Variants in NINL observed in about 807,000 individuals in gnomAD.
NINL encodes ninein-like protein.
NINL carries 153 observed loss-of-function variants against 160.3 expected under a neutral mutation model. The observed-to-expected ratio is 0.95, with a 90% CI of 0.84 to 1.09. The LOEUF is 1.09. Among genes scored for constraint, NINL ranks in the 50% least tolerant of loss-of-function variants. The pLI is 0.00. For synonymous variants in NINL, 800 were observed against 734.8 expected (o/e 1.09, Z -1.43); for missense variants, 1,829 against 1,764.0 (o/e 1.04, Z -0.66).
chr20:25,575,762 A>C lies in NINL; in HGVS notation c.-12+9693T>G, dbSNP rs892857981. ...CTCAGTCTCAAAAAAAACACAAAAC[A>C]ACAAAAAAAAAAACTTGTAAGAATA... On this transcript the variant is annotated intron_variant, in intron 1 of 23. Coordinates refer to ENST00000278886, the MANE Select transcript of NINL (RefSeq NM_025176.6). 3.8e-5 allele frequency among the ~76,000 whole-genome samples: 4 copies of C among 104,998 alleles called. No homozygotes were observed. The East Asian group carries it at 0.014, about 362-fold the overall frequency. The allele number at this position is 104,998 out of a possible 152,430, so 68.9% of individuals were successfully genotyped here.
chr20:25,511,613 C>A (rs939252249), intron 4 of NINL, among the ~76,000 whole-genome samples: 34 of 152,160 alleles, frequency 2.2e-4, no homozygotes, highest in Admixed American at 6.5e-4. Flanking sequence ...CGGCTTTCCC[C>A]GTGTTCAGGT....
intron 21 of NINL, among the ~76,000 whole-genome samples, chr20:25,461,285 C>T (rs952127183): frequency 4.6e-5 from 7 of 152,186 alleles, no homozygotes; most frequent in Non-Finnish European, 7.3e-5. Context: ...GCATGGTGCC[C>T]GCACTCCTTC....
rs752565890 is a variant in NINL, at chr20:25,453,546, G to A, written c.4054C>T (p.Arg1352Ter). Residue 1352 changes from arginine to a stop codon, truncating the protein, a stop_gained, in exon 24 of 24, where the codon CGA becomes TGA. Coordinates refer to ENST00000278886, the MANE Select transcript of NINL (RefSeq NM_025176.6). LOFTEE classifies it low-confidence loss of function (END_TRUNC). ...AGGCGGCTTTGTTTCTCGGCGCCTC[G>A]CTGCTTCTCCTCGGTGGCCTGAAGT... ...RALQATEEKQ[R>*]GAEKQSRLLE... 7 of 1,613,890 alleles carry A rather than the reference G, an allele frequency of 4.3e-6. No individual in the cohort carries two copies. The highest frequency in any genetic ancestry group is 4.0e-5 in the African/African-American group (3 of 74,908).
At chr20:25,490,420 C>T (rs1469354147) in intron 11 of NINL, among the ~76,000 whole-genome samples, 1 of 151,678 alleles carries the variant, frequency 6.6e-6, no homozygotes, top group Non-Finnish European at 1.5e-5. Flanking sequence ...ATTAGCCAGG[C>T]GTGGTGGCGG....
In NINL at chr20:25,502,026, C is replaced by T. The variant is rs748934444; in HGVS notation, c.862-1016G>A. 7.2e-5 allele frequency among the ~76,000 whole-genome samples: 11 copies of T among 152,224 alleles called. No individual in the cohort carries two copies. In the South Asian group the frequency reaches 1.0e-3, roughly 14 times the overall value. ...AGCCAGAGTCTCACTCTGTCACCCA[C>T]GCTGGAGTGCAGTGATGCGATCTCA... is the stretch of plus-strand genomic sequence containing the variant. On this transcript the variant is annotated intron_variant, in intron 7 of 23. Transcript: ENST00000278886.
intron 1 of NINL, among the ~76,000 whole-genome samples, chr20:25,552,359 C>A (rs1038682741): frequency 1.3e-5 from 2 of 152,030 alleles, no homozygotes; most frequent in East Asian, 1.9e-4. Context: ...CATAGCCAGA[C>A]CCTCCCCACC....
At chr20:25,499,300 G>T in intron 8 of NINL, 1 of 910,302 alleles carries the variant, frequency 1.1e-6, no homozygotes, top group Non-Finnish European at 1.3e-6. Flanking sequence ...GCAGCCTGAG[G>T]TCAGAAATGC....
intron 2 of NINL, among the ~76,000 whole-genome samples, chr20:25,522,810 G>A (rs978683240): frequency 9.2e-5 from 14 of 152,096 alleles, no homozygotes; most frequent in Admixed American, 6.6e-4. Flanking sequence ...CACAAAAGGC[G>A]AGCGGCAACC....
chr20:25,456,209 T>C (rs1221563026), intron 22 of NINL, among the ~76,000 whole-genome samples: 21 of 115,554 alleles, frequency 1.8e-4, no homozygotes, highest in African/African-American at 2.5e-4. Context: ...CACCACTGCA[T>C]TCCAGCCTGG....
chr20:25,576,713 C>A (rs1296273013), intron 1 of NINL, among the ~76,000 whole-genome samples: 1 of 152,168 alleles, frequency 6.6e-6, no homozygotes, highest in East Asian at 1.9e-4. Context: ...CCTCTCACCT[C>A]AGCCTCCCAA....
At chr20:25,491,669 A>C in intron 10 of NINL, 144 bp from the exon 11 acceptor site, 1 of 950,372 alleles carries the variant, frequency 1.1e-6, no homozygotes, top group Admixed American at 2.9e-5. Context: ...TGAGCTGCCC[A>C]TGCTGGGAGG....
At chr20:25,466,648 A>G (rs2062920918) in intron 19 of NINL, among the ~76,000 whole-genome samples, 1 of 151,920 alleles carries the variant, frequency 6.6e-6, no homozygotes, top group East Asian at 1.9e-4. Flanking sequence ...AATAATATAA[A>G]AATTAGCCAC....
chr20:25,583,276 A>G (rs1380240757), intron 1 of NINL, among the ~76,000 whole-genome samples: 2 of 152,220 alleles, frequency 1.3e-5, no homozygotes, highest in Admixed American at 1.3e-4. Context: ...ACAAATTTAC[A>G]AGAAAAAAAC....
At chr20:25,568,074 A>C (rs1568971316) in intron 1 of NINL, among the ~76,000 whole-genome samples, 1 of 152,022 alleles carries the variant, frequency 6.6e-6, no homozygotes, top group Non-Finnish European at 1.5e-5. Flanking sequence ...AATAACAAAG[A>C]GGGGAAATCA....
At chr20:25,552,351 T>C (rs942998642) in intron 1 of NINL, among the ~76,000 whole-genome samples, 21 of 151,992 alleles carry the variant, frequency 1.4e-4, no homozygotes, top group Admixed American at 1.0e-3. Context: ...CTGAGCAGCA[T>C]AGCCAGACCC....
chr20:25,506,306 A>G (rs1255589212), intron 5 of NINL, among the ~76,000 whole-genome samples: 1 of 152,324 alleles, frequency 6.6e-6, no homozygotes, highest in East Asian at 1.9e-4. Flanking sequence ...TTTACAATAA[A>G]AAGACCAGTC....
At chr20:25,572,786 C>T (rs982267633) in intron 1 of NINL, among the ~76,000 whole-genome samples, 6 of 152,164 alleles carry the variant, frequency 3.9e-5, no homozygotes, top group Non-Finnish European at 7.3e-5. Context: ...AGCTCTAAAT[C>T]AACCTGAAAA....
At chr20:25,480,081 A>C (rs1165542467) in intron 15 of NINL, 80 bp downstream of exon 15, 7 of 992,270 alleles carry the variant, frequency 7.1e-6, no homozygotes, top group Admixed American at 1.7e-5. Flanking sequence ...CGCATGTGGA[A>C]ATGTCAGCGT....
At chr20:25,538,667 C>A (rs921147976) in intron 1 of NINL, among the ~76,000 whole-genome samples, 3 of 151,686 alleles carry the variant, frequency 2.0e-5, no homozygotes, top group African/African-American at 7.3e-5. Context: ...AAAGGGCTGG[C>A]GAGCACAGAA....
Sources: gnomAD v4.1 joint callset for allele counts (sites outside exome capture counted in the v4.1 genomes callset) on GRCh38, gnomAD v4.1.1 for gene constraint, MANE v1.5 for transcripts, NCBI Gene and HGNC (gene_info 2026-07-23, HGNC 2026-07-21) for gene names.